TEAD2: variants seen among roughly 807,000 people sequenced by gnomAD.
The protein encoded by TEAD2 is transcriptional enhancer factor TEF-4.
TEAD2 carries 51 observed loss-of-function variants against 61.4 expected under a neutral mutation model. That is an observed-to-expected ratio of 0.83 (90% CI 0.66 to 1.05). The LOEUF (loss-of-function observed/expected upper bound fraction) is 1.05, where lower values mean the gene tolerates loss of function less well. Among genes scored for constraint, TEAD2 ranks in the 50% least tolerant of loss-of-function variants. TEAD2 has a pLI of 0.00. For synonymous variants in TEAD2, 244 were observed against 243.2 expected (o/e 1.00, Z -0.03); for missense variants, 509 against 600.0 (o/e 0.85, Z 1.58).
rs377018384 is a variant in TEAD2, at chr19:49,355,343, A to G, written c.449T>C (p.Leu150Pro). Residue 150 changes from leucine (L) to proline (P), a missense_variant, in exon 6 of 13, where the codon CTG becomes CCG. Coordinates refer to ENST00000593945, the MANE Select transcript of TEAD2 (RefSeq NM_001256660.2). ...ACCAGTGGGACCCAGTTTGGCCTGC[A>G]GAGAAGGCGCGGAGATGAGCTGGGC... ...SSAQLISAPSLQAKLGPTGPQ... is the reference protein window; with the variant it reads ...SSAQLISAPSPQAKLGPTGPQ... 1 of 1,614,206 alleles carries G rather than the reference A, an allele frequency of 6.2e-7. No individual in the cohort carries two copies. The highest frequency in any genetic ancestry group is 1.1e-5 in the South Asian group (1 of 91,084).
chr19:49,355,006 A>C lies in TEAD2; in HGVS notation c.539+142T>G, dbSNP rs2096373962. 3.7e-6 allele frequency: 2 copies of C among 540,118 alleles called. No homozygotes were observed. The highest frequency in any genetic ancestry group is 3.1e-5 in the East Asian group (1 of 31,994). The allele number at this position is 540,118 out of a possible 1,614,324, so 33.5% of individuals were successfully genotyped here. Reference sequence around the variant, plus strand: ...AACGGAGCAAGACTCCATGTCAATAAATACATACATACATGCATACATACA... The same window carrying C: ...AACGGAGCAAGACTCCATGTCAATACATACATACATACATGCATACATACA... On this transcript the variant is annotated intron_variant, in intron 7 of 12. Coordinates refer to ENST00000593945, the MANE Select transcript of TEAD2 (RefSeq NM_001256660.2).
chr19:49,351,905 G>T (rs183327191), intron 7 of TEAD2, among the ~76,000 whole-genome samples: 1 of 152,060 alleles, frequency 6.6e-6, no homozygotes, highest in East Asian at 1.9e-4. Flanking sequence ...AGAACTGCTT[G>T]AACCCGGGAG....
At position 49,347,220 on chromosome 19, in the gene TEAD2, G is replaced by T. The variant is rs201241560; in HGVS notation, c.891C>A (p.Pro297=). Residue 297 remains proline, a synonymous_variant, in exon 10 of 13, where the codon CCC becomes CCA. Transcript: ENST00000593945. ...ACTTGACCAGGAAGAAGGCATGGGG[G>T]GGGCCACGATCATATAGCTCTCGGA... ...GGLRELYDRG[P]PHAFFLVKFW... 1.2e-6 allele frequency: 2 copies of T among 1,614,048 alleles called. No homozygotes were observed. Among genetic ancestry groups the T allele is most frequent in the Non-Finnish European group, 1.7e-6 (2 of 1,179,964 alleles).
rs1971692739 is a variant in TEAD2, at chr19:49,347,055, T to C, written c.921+135A>G. The C allele has an allele frequency of 4.0e-6, 5 of 1,253,240 alleles. No individual in the cohort carries two copies. In the African/African-American group the frequency reaches 7.5e-5, roughly 19 times the overall value. The allele number at this position is 1,253,240 out of a possible 1,614,324, so 77.6% of individuals were successfully genotyped here. On this transcript the variant is annotated intron_variant, in intron 10 of 12. Coordinates refer to ENST00000593945, the MANE Select transcript of TEAD2 (RefSeq NM_001256660.2). Reference sequence around the variant, plus strand: ...TCCTTGTTGCAAAGGGGGCTGACACTCCAAGCCATGAGGACTGACTGGTAA... The same window carrying C: ...TCCTTGTTGCAAAGGGGGCTGACACCCCAAGCCATGAGGACTGACTGGTAA...
intron 8 of TEAD2, 55 bp from the exon 9 acceptor site, chr19:49,348,900 A>G: frequency 6.9e-7 from 1 of 1,443,790 alleles, no homozygotes; most frequent in South Asian, 1.5e-5. Context: ...GGAATATATC[A>G]GGTACTGTTG....
chr19:49,351,402 A>G, intron 7 of TEAD2, 37 bp from the exon 8 acceptor site: 1 of 1,577,010 alleles, frequency 6.3e-7, no homozygotes, highest in South Asian at 1.2e-5. Flanking sequence ...AGCCAGGTAG[A>G]AAGATGCTAA....
In TEAD2 at chr19:49,341,273, CTCCCTGGGAGGAGGGTG is replaced by C; in HGVS notation, c.*34_*50del. 6.7e-7 allele frequency: 1 copy of C among 1,497,290 alleles called. No homozygotes were observed. 92.8% of individuals were successfully genotyped at this position (1,497,290 alleles called of 1,614,324 possible). A position where few individuals can be genotyped will look rare whatever the true frequency, so the allele number is the denominator to read the frequency against. ...GAAGCATGAGGTGAGCTGGAGGACCCTCCCTGGGAGGAGGGTGTTCTGGGGGGTGAGCCAGTTTTGGG... is the reference window on the plus strand; with the variant it reads ...GAAGCATGAGGTGAGCTGGAGGACCCTTCTGGGGGGTGAGCCAGTTTTGGG... On this transcript the variant is annotated 3_prime_UTR_variant, in exon 13 of 13. Transcript: ENST00000593945. The surrounding 1 kb of genome is among the most constrained non-coding windows in gnomAD (Gnocchi z 4.2).
intron 5 of TEAD2, 132 bp from the exon 6 acceptor site, chr19:49,355,551 G>A: frequency 1.4e-6 from 1 of 737,008 alleles, no homozygotes; most frequent in South Asian, 1.7e-5. Flanking sequence ...TAGTGGCCGG[G>A]CATGGTGGCT....
chr19:49,360,644 C>T (rs1289380639), intron 1 of TEAD2, among the ~76,000 whole-genome samples: 1 of 151,702 alleles, frequency 6.6e-6, no homozygotes, highest in Non-Finnish European at 1.5e-5. Flanking sequence ...CTTCCCCTGT[C>T]CCACCCCAAG....
At position 49,359,538 on chromosome 19, in the gene TEAD2, C is replaced by G. The variant is rs1322221968; in HGVS notation, c.233-39G>C. On this transcript the variant is annotated intron_variant, in intron 2 of 12. Transcript: ENST00000593945. The surrounding 1 kb of genome is among the most constrained non-coding windows in gnomAD (Gnocchi z 4.1). ...GACGGAACAGAGTTAGTTAGACTTT[C>G]AACAGAACTTCCCCACAGCATGGAC... The G allele has an allele frequency of 6.2e-7, 1 of 1,607,718 alleles. No homozygotes were observed. Among genetic ancestry groups the G allele is most frequent in the African/African-American group, 1.3e-5 (1 of 74,790 alleles).
chr19:49,356,994 GTC>G (rs1972447179), intron 4 of TEAD2, among the ~76,000 whole-genome samples: 1 of 149,518 alleles, frequency 6.7e-6, no homozygotes, highest in African/African-American at 2.5e-5. Flanking sequence ...CTGTCTATGG[GTC>G]TCTGTCCCTC....
At chr19:49,360,732 G>GA in intron 1 of TEAD2, among the ~76,000 whole-genome samples, 1 of 92,760 alleles carries the variant, frequency 1.1e-5, no homozygotes, top group South Asian at 3.1e-4. Context: ...TCTAGAGAGA[G>GA]GGGGACAGAG....
chr19:49,347,072 G>A, intron 10 of TEAD2, 118 bp downstream of exon 10: 1 of 1,348,628 alleles, frequency 7.4e-7, no homozygotes, highest in Non-Finnish European at 1.0e-6. Context: ...CATGAGGACT[G>A]ACTGGTAAGT....
intron 10 of TEAD2, among the ~76,000 whole-genome samples, chr19:49,345,332 TTTCCTTTCTTTCCTTC>T: frequency 6.6e-6 from 1 of 152,168 alleles, no homozygotes; most frequent in East Asian, 1.9e-4. Flanking sequence ...CTTTCTTTTC[TTTCCTTTCTTTCCTTC>T]TTCCTTTCTT....
chr19:49,347,329 T>C lies in TEAD2; in HGVS notation c.782A>G (p.His261Arg), dbSNP rs780855887. 5.6e-6 allele frequency: 9 copies of C among 1,612,178 alleles called. No homozygotes were observed. The highest frequency in any genetic ancestry group is 7.6e-6 in the Non-Finnish European group (9 of 1,180,004). The change falls in exon 10 of 13, where the codon CAC (histidine) becomes CGC (arginine). Residue 261 changes from histidine to arginine, a missense_variant. Physicochemically the swap from His to Arg is conservative, Grantham distance 29 (BLOSUM62 0). Coordinates refer to ENST00000593945, the MANE Select transcript of TEAD2 (RefSeq NM_001256660.2). ...CGGCGGCGCTCCGGGGCTGGGGCAG[T>C]GCTGGCTGATGTGCACGAACAGGTG... ...QRHLFVHISQ[H>R]CPSPGAPPLE...
chr19:49,351,986 A>T (rs1254213114), intron 7 of TEAD2, among the ~76,000 whole-genome samples: 11 of 151,962 alleles, frequency 7.2e-5, no homozygotes, highest in South Asian at 2.1e-4. Flanking sequence ...CATTTCAAAA[A>T]AAAAATAAAA....
chr19:49,360,983 AGAGAGGGGGACAGAGACCAGAGG>A, intron 1 of TEAD2, among the ~76,000 whole-genome samples: 1 of 84,436 alleles, frequency 1.2e-5, no homozygotes, highest in Admixed American at 1.9e-4. Flanking sequence ...AGACCCAGAG[AGAGAGGGGGACAGAGACCAGAGG>A]GAGGGGGGGA....
At chr19:49,355,498 T>C in intron 5 of TEAD2, 79 bp from the exon 6 acceptor site, 1 of 1,255,294 alleles carries the variant, frequency 8.0e-7, no homozygotes, top group South Asian at 1.3e-5. Flanking sequence ...CAGGGTGGGG[T>C]GAAGACGGGG....
chr19:49,351,455 C>A, intron 7 of TEAD2, 90 bp from the exon 8 acceptor site: 1 of 1,246,932 alleles, frequency 8.0e-7, no homozygotes, highest in Non-Finnish European at 1.1e-6. Context: ...ACAAGCAAGA[C>A]CCTGTGCATT....
Sources: allele counts gnomAD v4.1 joint callset (sites outside exome capture counted in the v4.1 genomes callset), GRCh38; gene constraint gnomAD v4.1.1; non-coding constraint Gnocchi (gnomAD v3.1); transcripts MANE v1.5; gene names NCBI Gene and HGNC (gene_info 2026-07-23, HGNC 2026-07-21).